Variants in SYT10 observed in about 807,000 individuals in gnomAD.
The protein encoded by SYT10 is synaptotagmin 10.
A neutral mutation model predicts 51.1 loss-of-function variants in SYT10; 31 were observed. That is an observed-to-expected ratio of 0.61 (90% confidence interval 0.46 to 0.82). The LOEUF is 0.82. SYT10 is among the 40% of genes least tolerant of loss of function. The pLI is 0.00. For synonymous variants in SYT10, 233 were observed against 225.9 expected (o/e 1.03, Z -0.28); for missense variants, 603 against 634.0 (o/e 0.95, Z 0.53).
chr12:33,387,680 T>C (rs1314617911), intron 3 of SYT10, among the ~76,000 whole-genome samples: 2 of 151,542 alleles, frequency 1.3e-5, no homozygotes, highest in Non-Finnish European at 2.9e-5. Flanking sequence ...TAGAAGAGGG[T>C]TGAAGAAAAA....
intron 3 of SYT10, among the ~76,000 whole-genome samples, chr12:33,401,069 T>C (rs1866300269): frequency 6.6e-6 from 1 of 151,744 alleles, no homozygotes; most frequent in Non-Finnish European, 1.5e-5. Flanking sequence ...ACTAACAAAA[T>C]TCAACATAAT....
intron 2 of SYT10, among the ~76,000 whole-genome samples, chr12:33,410,987 C>G (rs1866400171): frequency 6.6e-6 from 1 of 152,138 alleles, no homozygotes; most frequent in Non-Finnish European, 1.5e-5. Context: ...AACTGAGCCT[C>G]ATGTAACCCA....
Position 33,399,731 on chromosome 12 carries a change from T to C in SYT10, c.1077+7058A>G, listed in dbSNP as rs147576073. ...GAACTCTCATGGTCTTATGATAGTA[T>C]ATGAAGGACTCTACTATTTTTAAAC... On this transcript the variant is annotated intron_variant, in intron 3 of 6. Coordinates refer to ENST00000228567, the MANE Select transcript of SYT10 (RefSeq NM_198992.4). Among the ~76,000 whole-genome samples, 538 of 152,320 alleles carry C rather than the reference T, an allele frequency of 3.5e-3. 1 individual carries two copies. Among genetic ancestry groups the C allele is most frequent in the African/African-American group, 0.012 (511 of 41,566 alleles).
chr12:33,439,738 G>C lies in SYT10; in HGVS notation c.-216C>G. 3.5e-6 allele frequency: 2 copies of C among 568,368 alleles called. No individual in the cohort carries two copies. The highest frequency in any genetic ancestry group is 6.4e-5 in the East Asian group (2 of 31,426). The allele number at this position is 568,368 out of a possible 1,614,324, so 35.2% of individuals were successfully genotyped here. On this transcript the variant is annotated 5_prime_UTR_variant, in exon 1 of 7. Transcript: ENST00000228567. ...GGAAGGAGAGGCGCGCGAGGAGGCT[G>C]CGGCTGCCGCGAGGTTTGCGCCAAC...
intron 2 of SYT10, among the ~76,000 whole-genome samples, chr12:33,420,963 C>A (rs1258651217): frequency 2.6e-5 from 4 of 152,096 alleles, no homozygotes; most frequent in Admixed American, 1.3e-4. Flanking sequence ...CCCTAGCTAG[C>A]CATATATCTT....
At chr12:33,414,244 C>T (rs1413014288) in intron 2 of SYT10, among the ~76,000 whole-genome samples, 4 of 152,118 alleles carry the variant, frequency 2.6e-5, no homozygotes, top group Admixed American at 6.6e-5. Context: ...TGGAGACTTT[C>T]ACACCGCACT....
At chr12:33,404,180 G>A (rs1866331543) in intron 3 of SYT10, among the ~76,000 whole-genome samples, 1 of 152,128 alleles carries the variant, frequency 6.6e-6, no homozygotes. Context: ...AAGGGGCTTT[G>A]TGGATGTGAT....
intron 2 of SYT10, among the ~76,000 whole-genome samples, chr12:33,419,846 A>C (rs1302412834): frequency 6.6e-6 from 1 of 152,232 alleles, no homozygotes; most frequent in East Asian, 1.9e-4. Context: ...GAAAAGAAGT[A>C]AATATAGACT....
intron 3 of SYT10, chr12:33,405,869 A>AC (rs397703854): frequency 5.9e-5 from 9 of 151,396 alleles, no homozygotes; most frequent in African/African-American, 2.2e-4. Flanking sequence ...GAAAAAAAAA[A>AC]CAGATTTACA....
chr12:33,410,266 C>A (rs1305553131), intron 2 of SYT10, among the ~76,000 whole-genome samples: 1 of 152,116 alleles, frequency 6.6e-6, no homozygotes, highest in Non-Finnish European at 1.5e-5. Context: ...TTGTTAAAAT[C>A]AGAATTATAA....
chr12:33,404,394 T>C (rs1866333506), intron 3 of SYT10, among the ~76,000 whole-genome samples: 1 of 152,144 alleles, frequency 6.6e-6, no homozygotes, highest in Admixed American at 6.5e-5. Context: ...TTTATTTTTA[T>C]TTTTATTTTT....
At chr12:33,430,218 C>T (rs1375224244) in intron 1 of SYT10, among the ~76,000 whole-genome samples, 1 of 152,192 alleles carries the variant, frequency 6.6e-6, no homozygotes, top group African/African-American at 2.4e-5. Flanking sequence ...CTATATATCT[C>T]TAACTAATTT....
At chr12:33,384,240 C>G (rs1398693811) in intron 4 of SYT10, among the ~76,000 whole-genome samples, 2 of 152,122 alleles carry the variant, frequency 1.3e-5, no homozygotes. Context: ...CATTCTTACA[C>G]AGAAGGGTGC....
chr12:33,379,735 G>T, intron 6 of SYT10, 97 bp downstream of exon 6: 5 of 1,459,692 alleles, frequency 3.4e-6, no homozygotes, highest in Admixed American at 4.1e-5. Context: ...TTTAACAAGG[G>T]TGAATACATA....
intron 5 of SYT10, 44 bp from the exon 6 acceptor site, chr12:33,380,005 G>T: frequency 6.5e-7 from 1 of 1,538,458 alleles, no homozygotes; most frequent in Non-Finnish European, 8.8e-7. Context: ...AACATTCAAA[G>T]ATAAAGGGGG....
chr12:33,405,108 C>T (rs1866341600), intron 3 of SYT10: 1 of 151,954 alleles, frequency 6.6e-6, no homozygotes, highest in African/African-American at 2.4e-5. Flanking sequence ...AATATATGTA[C>T]ATAACATACT....
chr12:33,422,953 A>T (rs912274278), intron 2 of SYT10, among the ~76,000 whole-genome samples: 2 of 152,188 alleles, frequency 1.3e-5, no homozygotes, highest in Non-Finnish European at 2.9e-5. Context: ...TATACCCAGG[A>T]TTAAATATAT....
rs180824047 is a variant in SYT10 at position 33,400,513 on chromosome 12, A to G, written c.1077+6276T>C. On this transcript the variant is annotated intron_variant, in intron 3 of 6. Coordinates refer to ENST00000228567, the MANE Select transcript of SYT10 (RefSeq NM_198992.4). Reference sequence around the variant, plus strand: ...TCATTTTATAACTGTAACCAGGTCAATGTGATATACACAAGCAACTTCCTT... The same window carrying G: ...TCATTTTATAACTGTAACCAGGTCAGTGTGATATACACAAGCAACTTCCTT... 2.4e-3 allele frequency among the ~76,000 whole-genome samples: 368 copies of G among 152,254 alleles called. 1 individual carries two copies. The highest frequency in any genetic ancestry group is 8.1e-3 in the African/African-American group (335 of 41,542).
intron 3 of SYT10, 41 bp from the exon 4 acceptor site, chr12:33,385,332 A>G (rs1289534626): frequency 6.2e-7 from 1 of 1,606,858 alleles, no homozygotes; most frequent in Admixed American, 1.7e-5. Context: ...CAAACATTGA[A>G]GGGTGAAAAC....
Sources: allele counts gnomAD v4.1 joint callset (sites outside exome capture counted in the v4.1 genomes callset), GRCh38; gene constraint gnomAD v4.1.1; transcripts MANE v1.5; gene names NCBI Gene and HGNC (gene_info 2026-07-23, HGNC 2026-07-21).